ACTR3C: variants seen among roughly 807,000 people sequenced by gnomAD.
ACTR3C encodes the protein actin-related protein 3C.
ACTR3C carries 18 observed loss-of-function variants against 26.3 expected under a neutral mutation model. The observed-to-expected ratio is 0.68, with a 90% CI of 0.47 to 1.01. The LOEUF (loss-of-function observed/expected upper bound fraction) is 1.01, where lower values mean the gene tolerates loss of function less well. Among genes scored for constraint, ACTR3C ranks in the 50% least tolerant of loss-of-function variants. ACTR3C has a pLI of 0.00. For synonymous variants in ACTR3C, 55 were observed against 94.5 expected (o/e 0.58, Z 2.42); for missense variants, 184 against 250.7 (o/e 0.73, Z 1.80).
At chr7:149,975,706 G>C in the ACTR3C span, among the ~76,000 whole-genome samples, 6 of 152,218 alleles carry the variant, frequency 3.9e-5, no homozygotes, top group African/African-American at 1.4e-4. Context: ...GGCTGGGAGG[G>C]ACTCAGGAAA....
the ACTR3C span, among the ~76,000 whole-genome samples, chr7:150,003,782 G>C: frequency 1.3e-5 from 2 of 152,190 alleles, no homozygotes; most frequent in Non-Finnish European, 2.9e-5. Flanking sequence ...GTGGGTGTAG[G>C]TGTGCGTGGT....
the ACTR3C span, among the ~76,000 whole-genome samples, chr7:149,905,918 C>G: frequency 2.6e-5 from 4 of 151,968 alleles, no homozygotes; most frequent in Non-Finnish European, 4.4e-5. Context: ...GGTGTACGCT[C>G]TGTGACAAAA....
chr7:149,905,362 C>T, the ACTR3C span, among the ~76,000 whole-genome samples: 2 of 151,412 alleles, frequency 1.3e-5, no homozygotes, highest in African/African-American at 2.4e-5. Flanking sequence ...GACAACTAGC[C>T]TTCCGCATGG....
chr7:150,034,202 C>T, the ACTR3C span, among the ~76,000 whole-genome samples: 1 of 151,932 alleles, frequency 6.6e-6, no homozygotes, highest in African/African-American at 2.4e-5. Context: ...GCTTCTTTTA[C>T]TAGCAGGGCA....
At chr7:150,133,276 C>G in the ACTR3C span, among the ~76,000 whole-genome samples, 3 of 152,162 alleles carry the variant, frequency 2.0e-5, no homozygotes, top group African/African-American at 7.2e-5. Context: ...AGCTAATGGA[C>G]TAGTCACAGC....
the ACTR3C span, among the ~76,000 whole-genome samples, chr7:150,174,064 G>C: frequency 1.4e-5 from 2 of 139,426 alleles, 1 homozygote; most frequent in African/African-American, 6.5e-5. Context: ...CCTCCAAACT[G>C]TTCCAACCTC....
chr7:150,072,430 GT>G, the ACTR3C span, among the ~76,000 whole-genome samples: 1 of 125,582 alleles, frequency 8.0e-6, no homozygotes, highest in African/African-American at 2.8e-5. Flanking sequence ...GGGGAATTGT[GT>G]TTAAAATTCA....
the ACTR3C span, among the ~76,000 whole-genome samples, chr7:150,129,183 C>T: frequency 6.6e-6 from 1 of 151,934 alleles, no homozygotes; most frequent in Non-Finnish European, 1.5e-5. Flanking sequence ...CAAGGAAGTG[C>T]TAAGAGGAAA....
the ACTR3C span, among the ~76,000 whole-genome samples, chr7:149,989,984 G>T: frequency 1.3e-5 from 2 of 152,016 alleles, no homozygotes; most frequent in Non-Finnish European, 2.9e-5. Flanking sequence ...TCCATTCTCT[G>T]CACTCCCCTG....
the ACTR3C span, among the ~76,000 whole-genome samples, chr7:149,886,872 A>T: frequency 6.6e-6 from 1 of 152,028 alleles, no homozygotes; most frequent in Non-Finnish European, 1.5e-5. Context: ...AGGTAGGGGA[A>T]ATACTTGAGC....
At chr7:150,042,581 G>A in the ACTR3C span, among the ~76,000 whole-genome samples, 2 of 147,012 alleles carry the variant, frequency 1.4e-5, no homozygotes, top group African/African-American at 5.4e-5. Context: ...CCTCGCGGGG[G>A]GTGCCTCCCC....
At chr7:149,998,156 A>G in the ACTR3C span, among the ~76,000 whole-genome samples, 4 of 150,864 alleles carry the variant, frequency 2.7e-5, no homozygotes, top group South Asian at 6.4e-4. Context: ...GGGGCACATC[A>G]CCCTGTGGCA....
chr7:149,906,620 TG>T, the ACTR3C span, among the ~76,000 whole-genome samples: 24 of 148,484 alleles, frequency 1.6e-4, no homozygotes, highest in African/African-American at 6.0e-4. Flanking sequence ...TTAGTAGAGA[TG>T]GGGTGTTGCC....
intron 6 of ACTR3C, among the ~76,000 whole-genome samples, chr7:150,267,173 C>A (rs1834104894): frequency 1.3e-5 from 2 of 152,178 alleles, no homozygotes; most frequent in Non-Finnish European, 2.9e-5. Context: ...GACATGCACA[C>A]CTCAAAAGCA....
the ACTR3C span, among the ~76,000 whole-genome samples, chr7:150,210,253 C>G: frequency 6.7e-6 from 1 of 149,330 alleles, no homozygotes; most frequent in African/African-American, 2.6e-5. Flanking sequence ...GAACCGGAAG[C>G]CTCAGAAGCT....
chr7:150,182,282 T>C, the ACTR3C span, among the ~76,000 whole-genome samples: 1 of 150,814 alleles, frequency 6.6e-6, no homozygotes, highest in African/African-American at 2.5e-5. Flanking sequence ...CTGAATGTAG[T>C]TATAACTGCA....
chr7:150,037,078 C>A, the ACTR3C span, among the ~76,000 whole-genome samples: 1 of 113,940 alleles, frequency 8.8e-6, no homozygotes, highest in African/African-American at 3.0e-5. Flanking sequence ...GGGTGCCTCC[C>A]CCTCGTGCGA....
chr7:149,998,230 T>G, the ACTR3C span, among the ~76,000 whole-genome samples: 2 of 151,412 alleles, frequency 1.3e-5, no homozygotes, highest in Admixed American at 6.6e-5. Context: ...CTAGGAGATC[T>G]GTCTCCAGAC....
the ACTR3C span, among the ~76,000 whole-genome samples, chr7:150,123,582 AACACAC>A: frequency 3.3e-3 from 399 of 119,202 alleles, no homozygotes; most frequent in African/African-American, 0.015. Context: ...AGCAAAGGTC[AACACAC>A]ACACACACAC....
Sources: gnomAD v4.1 joint callset for allele counts (sites outside exome capture counted in the v4.1 genomes callset) on GRCh38, gnomAD v4.1.1 for gene constraint, MANE v1.5 for transcripts, NCBI Gene and HGNC (gene_info 2026-07-23, HGNC 2026-07-21) for gene names.